The following NSUN6 variants were observed in gnomAD, a reference collection of about 807,000 sequenced individuals.
The protein encoded by NSUN6 is tRNA (cytosine(72)-C(5))-methyltransferase NSUN6.
In NSUN6, 64 loss-of-function variants were observed where a neutral mutation model predicts 58.0. That is an observed-to-expected ratio of 1.10 (90% CI 0.90 to 1.36). NSUN6 has a LOEUF of 1.36. NSUN6 is among the 40% of genes most tolerant of loss of function. NSUN6 has a pLI of 0.00. For missense variants in NSUN6, 701 were observed against 550.1 expected (o/e 1.27, Z -2.74); for synonymous variants, 231 against 193.9 (o/e 1.19, Z -1.59).
intron 6 of NSUN6, among the ~76,000 whole-genome samples, chr10:18,604,826 C>T (rs2057985391): frequency 2.0e-5 from 3 of 150,888 alleles, no homozygotes; most frequent in South Asian, 2.1e-4. Context: ...GGGGAGGTTG[C>T]AGTGAGCCGA....
chr10:18,587,949 G>A (rs901816191), intron 7 of NSUN6, among the ~76,000 whole-genome samples: 1 of 152,156 alleles, frequency 6.6e-6, no homozygotes, highest in Non-Finnish European at 1.5e-5. Flanking sequence ...CTGGAAAGGG[G>A]GCTAATGCCA....
chr10:18,651,221 T>C lies in NSUN6; in HGVS notation c.-18A>G. On this transcript the variant is annotated 5_prime_UTR_variant, in exon 1 of 11. Transcript: ENST00000377304. ...ATAGACATTTTTCCTGTTGTTTAGT[T>C]CTCCACCAAGAGAAATGCTGGAAAA... 1.3e-6 allele frequency: 2 copies of C among 1,543,606 alleles called. No individual in the cohort carries two copies. Among genetic ancestry groups the C allele is most frequent in the Non-Finnish European group, 8.7e-7 (1 of 1,154,136 alleles).
chr10:18,652,539 A>T (rs975831290), upstream of NSUN6: 9 of 977,926 alleles, frequency 9.2e-6, no homozygotes, highest in Non-Finnish European at 9.7e-6. Context: ...CCACACAACA[A>T]CCTGCAAGTT....
intron 9 of NSUN6, among the ~76,000 whole-genome samples, chr10:18,550,726 CTCTT>C (rs1321731530): frequency 5.1e-5 from 5 of 98,514 alleles, no homozygotes; most frequent in Non-Finnish European, 1.0e-4. Flanking sequence ...CCCAAAAAAT[CTCTT>C]TTTTTTTTTT....
intron 2 of NSUN6, among the ~76,000 whole-genome samples, chr10:18,642,990 T>C (rs888713419): frequency 7.9e-5 from 12 of 151,880 alleles, no homozygotes; most frequent in Admixed American, 7.2e-4. Context: ...AAAGAAATGT[T>C]TATGGTAGAG....
intron 3 of NSUN6, among the ~76,000 whole-genome samples, chr10:18,638,961 A>C (rs1402121598): frequency 6.6e-6 from 1 of 150,602 alleles, no homozygotes. Flanking sequence ...AAAAAAAAAA[A>C]AAAAAAAAAC....
chr10:18,623,577 A>G (rs1437602308), intron 3 of NSUN6, among the ~76,000 whole-genome samples: 1 of 152,178 alleles, frequency 6.6e-6, no homozygotes, highest in Admixed American at 6.5e-5. Flanking sequence ...AGAATCTAGG[A>G]ATGTCTTACC....
At position 18,548,187 on chromosome 10, in the gene NSUN6, A is replaced by G. The variant is rs1325820303; in HGVS notation, c.1122T>C (p.Thr374=). The part of the protein sequence containing the change: ...PEGVLVYSTC[T]ITLAENEEQV... Reference sequence around the variant, plus strand: ...GTTCTTCATTTTCGGCCAGTGTTATAGTGCACGTGCTATAAACCAGCACAC... The same window carrying G: ...GTTCTTCATTTTCGGCCAGTGTTATGGTGCACGTGCTATAAACCAGCACAC... The change falls in exon 10 of 11, where the codon ACT becomes ACC. Residue 374 remains threonine (T), a synonymous_variant. Coordinates refer to ENST00000377304, the MANE Select transcript of NSUN6 (RefSeq NM_182543.5). 3.7e-6 allele frequency: 6 copies of G among 1,613,648 alleles called. No homozygotes were observed. In the African/African-American group the frequency reaches 6.7e-5, roughly 18 times the overall value.
intron 8 of NSUN6, among the ~76,000 whole-genome samples, chr10:18,557,821 T>C (rs934799821): frequency 4.8e-5 from 7 of 147,058 alleles, no homozygotes; most frequent in Admixed American, 1.4e-4. Flanking sequence ...GAAAATGGTA[T>C]GGAATGGAGG....
At chr10:18,628,090 C>T (rs1326085678) in intron 3 of NSUN6, among the ~76,000 whole-genome samples, 2 of 152,166 alleles carry the variant, frequency 1.3e-5, no homozygotes, top group African/African-American at 4.8e-5. Context: ...CAAGTGGGTC[C>T]CTGACCCCTG....
rs2054407272 is a variant in NSUN6, at chr10:18,548,302, A to G, written c.1072-65T>C. 4 of 1,385,426 alleles carry G rather than the reference A, an allele frequency of 2.9e-6. No individual in the cohort carries two copies. The South Asian group carries it at 3.9e-5, about 13-fold the overall frequency. 85.8% of individuals were successfully genotyped at this position (1,385,426 alleles called of 1,614,324 possible). A position where few individuals can be genotyped will look rare whatever the true frequency, so the allele number is the denominator to read the frequency against. On this transcript the variant is annotated intron_variant, in intron 9 of 10. Transcript: ENST00000377304. The stretch of plus-strand genomic sequence containing the variant: ...CAGATAAACATATGAATGAATTTCA[A>G]AGCAAAAGGTATAATGTCTTTCAAA...
chr10:18,652,632 C>T, upstream of NSUN6: 1 of 876,652 alleles, frequency 1.1e-6, no homozygotes, highest in South Asian at 5.3e-5. Context: ...GGGATCTCGA[C>T]TCACTGCAAC....
chr10:18,634,648 GCT>G (rs1235194671), intron 3 of NSUN6, among the ~76,000 whole-genome samples: 1 of 151,804 alleles, frequency 6.6e-6, no homozygotes, highest in African/African-American at 2.4e-5. Flanking sequence ...CGTAGTCCTA[GCT>G]ACTAGGAAGG....
intron 8 of NSUN6, among the ~76,000 whole-genome samples, chr10:18,579,250 G>A (rs1037923124): frequency 1.1e-4 from 16 of 152,208 alleles, no homozygotes; most frequent in Middle Eastern, 3.4e-3. Flanking sequence ...TCGGCTCACT[G>A]CAAGCTCTGC....
chr10:18,571,178 T>A (rs1237109462), intron 8 of NSUN6, among the ~76,000 whole-genome samples: 1 of 151,164 alleles, frequency 6.6e-6, no homozygotes, highest in Non-Finnish European at 1.5e-5. Flanking sequence ...CATTCCATTC[T>A]CCATTCCATT....
upstream of NSUN6, chr10:18,659,288 C>T (rs993723124): frequency 1.4e-4 from 39 of 278,000 alleles, no homozygotes; most frequent in African/African-American, 6.9e-4. Flanking sequence ...GTAAGTGCGC[C>T]GTCGTCACGC....
chr10:18,653,933 A>G (rs2059749141), upstream of NSUN6, among the ~76,000 whole-genome samples: 1 of 152,296 alleles, frequency 6.6e-6, no homozygotes, highest in South Asian at 2.1e-4. Context: ...AATTTTTGAT[A>G]CAATCTCACT....
At chr10:18,594,298 T>C (rs1393132983) in intron 7 of NSUN6, among the ~76,000 whole-genome samples, 9 of 152,172 alleles carry the variant, frequency 5.9e-5, no homozygotes. Context: ...CTCTTCTATA[T>C]ATTTTCTTGC....
chr10:18,558,685 G>T (rs556720967), intron 8 of NSUN6, among the ~76,000 whole-genome samples: 1 of 148,800 alleles, frequency 6.7e-6, no homozygotes, highest in Non-Finnish European at 1.5e-5. Context: ...GAAAAGAATG[G>T]AATGGAATGG....
Sources: gnomAD v4.1 joint callset for allele counts (sites outside exome capture counted in the v4.1 genomes callset) on GRCh38, gnomAD v4.1.1 for gene constraint, MANE v1.5 for transcripts, NCBI Gene and HGNC (gene_info 2026-07-23, HGNC 2026-07-21) for gene names.